The following TENM2 variants were observed in gnomAD, a reference collection of about 807,000 sequenced individuals.
The protein encoded by TENM2 is teneurin transmembrane protein 2, also known as teneurin-2.
Under a neutral mutation model 245.2 loss-of-function variants are expected in TENM2, and 52 were observed. The ratio of observed to expected loss-of-function variants is 0.21; its 90% CI spans 0.17 to 0.27. The LOEUF (loss-of-function observed/expected upper bound fraction) is 0.27, where lower values mean the gene tolerates loss of function less well. Among genes scored for constraint, TENM2 ranks in the 10% least tolerant of loss-of-function variants. The pLI, the probability that TENM2 is intolerant of heterozygous loss-of-function variation, is 1.00. For synonymous variants in TENM2, 1,363 were observed against 1,438.9 expected (o/e 0.95, Z 1.19); for missense variants, 3,046 against 3,666.8 (o/e 0.83, Z 4.37).
chr5:167,975,105 C>T (rs1175632010), intron 4 of TENM2, among the ~76,000 whole-genome samples: 1 of 152,258 alleles, frequency 6.6e-6, no homozygotes, highest in East Asian at 1.9e-4. Context: ...TTTAGTCTAA[C>T]ATGCCACCTC....
chr5:167,865,888 C>T (rs148598404), intron 2 of TENM2, among the ~76,000 whole-genome samples: 1 of 152,330 alleles, frequency 6.6e-6, no homozygotes, highest in Non-Finnish European at 1.5e-5. Context: ...GAAGTGAATG[C>T]CATGAGTAGT....
Position 168,218,282 on chromosome 5 carries a change from C to T in TENM2, c.4391C>T (p.Ser1464Leu), listed in dbSNP as rs1398533638. ...TGCCAAGTTCCTGGCATTGACTACT[C>T]ACTCAGCAAACTAGCCATTCACTCT... Residue 1464 changes from serine (S) to leucine (L), a missense_variant, in exon 23 of 29, where the codon TCA becomes TTA. This residue lies in a region of TENM2 where 2,704 missense variants were observed against 3,331.9 expected (regional missense o/e 0.81). Coordinates refer to ENST00000518659, the Ensembl canonical transcript of TENM2. This position sits in a 1 kb window ranked among gnomAD's most constrained non-coding sequence, Gnocchi z 5.2. 1.9e-6 allele frequency: 3 copies of T among 1,613,920 alleles called. No homozygotes were observed. Among genetic ancestry groups the T allele is most frequent in the South Asian group, 2.2e-5 (2 of 91,072 alleles).
At chr5:168,100,325 C>T (rs529689280) in intron 9 of TENM2, among the ~76,000 whole-genome samples, 10 of 152,098 alleles carry the variant, frequency 6.6e-5, no homozygotes, top group Non-Finnish European at 1.3e-4. Flanking sequence ...GATAGTGTGG[C>T]GATTCCTCAA....
intron 12 of TENM2, among the ~76,000 whole-genome samples, chr5:168,157,128 G>A (rs1034022246): frequency 6.6e-6 from 1 of 152,200 alleles, no homozygotes; most frequent in Non-Finnish European, 1.5e-5. Flanking sequence ...GCCATGACTG[G>A]TGCTGCTGGC....
chr5:167,278,573 A>G, the TENM2 span, among the ~76,000 whole-genome samples: 2 of 152,106 alleles, frequency 1.3e-5, no homozygotes, highest in Middle Eastern at 6.8e-3. Context: ...TTACTTACCT[A>G]TAGTAATTTT....
At chr5:167,138,946 T>A in the TENM2 span, among the ~76,000 whole-genome samples, 1 of 152,170 alleles carries the variant, frequency 6.6e-6, no homozygotes, top group African/African-American at 2.4e-5. Context: ...TTATATGGTT[T>A]CTGGGAAAGA....
intron 2 of TENM2, among the ~76,000 whole-genome samples, chr5:167,862,313 C>A (rs1771894739): frequency 6.6e-6 from 1 of 152,046 alleles, no homozygotes; most frequent in Non-Finnish European, 1.5e-5. Context: ...ATAACAGCAA[C>A]TTGTTGGGAG....
intron 4 of TENM2, among the ~76,000 whole-genome samples, chr5:167,981,645 C>G (rs575628429): frequency 6.6e-6 from 1 of 152,260 alleles, no homozygotes; most frequent in Non-Finnish European, 1.5e-5. Context: ...TTTGCTAACT[C>G]AAAGAGATGG....
At chr5:168,034,123 A>ATATATATATGTATACATATATATGTG (rs1562077473) in intron 5 of TENM2, among the ~76,000 whole-genome samples, 5,302 of 72,234 alleles carry the variant, frequency 0.073, 559 homozygotes, top group African/African-American at 0.25. Flanking sequence ...ATATATGTGT[A>ATATATATATGTATACATATATATGTG]TATATATATA....
intron 24 of TENM2, among the ~76,000 whole-genome samples, chr5:168,226,930 A>G (rs951004347): frequency 2.0e-5 from 3 of 152,216 alleles, no homozygotes; most frequent in African/African-American, 7.2e-5. Flanking sequence ...GTGTCCTCTC[A>G]GTAGATAAAT....
intron 2 of TENM2, among the ~76,000 whole-genome samples, chr5:167,450,045 AGATGGATG>A (rs983913082): frequency 6.6e-6 from 1 of 152,106 alleles, no homozygotes; most frequent in Non-Finnish European, 1.5e-5. Flanking sequence ...ATGCGTGGCT[AGATGGATG>A]GATGGATGGA....
chr5:167,561,893 TAA>T (rs1773614176), intron 2 of TENM2, among the ~76,000 whole-genome samples: 1 of 152,106 alleles, frequency 6.6e-6, no homozygotes. Context: ...ACCGTAAAAA[TAA>T]AAAGAGAGAC....
chr5:167,657,490 A>C (rs1754923024), intron 2 of TENM2, among the ~76,000 whole-genome samples: 1 of 152,168 alleles, frequency 6.6e-6, no homozygotes, highest in Non-Finnish European at 1.5e-5. Flanking sequence ...TTTCCTTTGG[A>C]TAAATGCCCA....
intron 3 of TENM2, among the ~76,000 whole-genome samples, chr5:167,879,293 A>T (rs1321224998): frequency 6.6e-6 from 1 of 152,168 alleles, no homozygotes; most frequent in African/African-American, 2.4e-5. Flanking sequence ...ATCTATGCCA[A>T]TCAAGTAGAT....
chr5:167,876,463 G>C (rs1773435278), intron 3 of TENM2, among the ~76,000 whole-genome samples: 1 of 152,152 alleles, frequency 6.6e-6, no homozygotes, highest in African/African-American at 2.4e-5. Context: ...TGAGCATGCT[G>C]GTCTCAAAGG....
chr5:167,186,862 G>C, the TENM2 span, among the ~76,000 whole-genome samples: 54 of 152,332 alleles, frequency 3.5e-4, no homozygotes, highest in African/African-American at 1.2e-3. Context: ...GCCTTACAAT[G>C]GTGGTGTTTC....
chr5:167,475,612 A>G (rs1582150887), intron 2 of TENM2, among the ~76,000 whole-genome samples: 1 of 152,004 alleles, frequency 6.6e-6, no homozygotes, highest in Admixed American at 6.6e-5. Context: ...CCCCGCATGC[A>G]TTAGGTATTT....
intron 4 of TENM2, among the ~76,000 whole-genome samples, chr5:167,972,876 A>G (rs757500899): frequency 3.9e-5 from 6 of 152,192 alleles, no homozygotes; most frequent in Non-Finnish European, 7.4e-5. Context: ...TGAGAAACAG[A>G]CATAGCTGCA....
the TENM2 span, among the ~76,000 whole-genome samples, chr5:166,986,499 G>A: frequency 2.6e-5 from 4 of 151,968 alleles, no homozygotes; most frequent in East Asian, 3.9e-4. Context: ...AAGGAAATAC[G>A]GCAAGGTTAG....
Sources: gnomAD v4.1 joint callset for allele counts (sites outside exome capture counted in the v4.1 genomes callset) on GRCh38, gnomAD v4.1.1 for gene constraint, gnomAD v4.1.1 regional missense constraint, Gnocchi (gnomAD v3.1) non-coding constraint, MANE v1.5 for transcripts, NCBI Gene and HGNC (gene_info 2026-07-23, HGNC 2026-07-21) for gene names.